Variants in SVOPL observed in about 807,000 individuals in gnomAD.
SVOPL encodes SVOP like.
A neutral mutation model predicts 61.0 loss-of-function variants in SVOPL; 60 were observed. The ratio of observed to expected loss-of-function variants is 0.98; its 90% CI spans 0.80 to 1.22. The LOEUF (loss-of-function observed/expected upper bound fraction) is 1.22. SVOPL is among the 50% of genes most tolerant of loss of function. The pLI is 0.00. For missense variants in SVOPL, 662 were observed against 643.9 expected, an observed-to-expected ratio of 1.03 and a Z score of -0.30; for synonymous variants, 279 against 250.0, an observed-to-expected ratio of 1.12 and a Z score of -1.09.
intron 1 of SVOPL, among the ~76,000 whole-genome samples, chr7:138,682,096 G>C (rs775855506): frequency 2.6e-5 from 4 of 152,168 alleles, no homozygotes; most frequent in Admixed American, 6.5e-5. Flanking sequence ...GTTGCTGAGG[G>C]AAAATTATTT....
At chr7:138,683,712 T>C (rs1265062162) in intron 1 of SVOPL, among the ~76,000 whole-genome samples, 1 of 152,002 alleles carries the variant, frequency 6.6e-6, no homozygotes, top group Non-Finnish European at 1.5e-5. Context: ...TGATCACTAG[T>C]TAAGTAGTAG....
At chr7:138,637,487 G>T (rs190451348) in intron 9 of SVOPL, among the ~76,000 whole-genome samples, 1,448 of 18,818 alleles carry the variant, frequency 0.077, 14 homozygotes, top group Middle Eastern at 0.12. Flanking sequence ...TATAGATATA[G>T]ATAGATATAT....
chr7:138,620,944 G>A, intron 14 of SVOPL, 102 bp downstream of exon 14: 1 of 1,091,724 alleles, frequency 9.2e-7, no homozygotes, highest in Non-Finnish European at 1.3e-6. Flanking sequence ...AACTCATGAA[G>A]TCAACAGAAA....
At chr7:138,628,407 A>C (rs1192027509) in intron 10 of SVOPL, 44 bp from the exon 11 acceptor site, 17 of 1,594,882 alleles carry the variant, frequency 1.1e-5, no homozygotes, top group Non-Finnish European at 1.5e-5. Flanking sequence ...CTGACACCAG[A>C]CCTGAAGGAT....
intron 7 of SVOPL, among the ~76,000 whole-genome samples, chr7:138,650,060 G>C (rs1427808358): frequency 6.6e-6 from 1 of 152,062 alleles, no homozygotes; most frequent in African/African-American, 2.4e-5. Context: ...TCAAACTCCT[G>C]ATCTCGTGAT....
At chr7:138,672,639 G>GT (rs1802451841) in intron 3 of SVOPL, among the ~76,000 whole-genome samples, 1 of 88,358 alleles carries the variant, frequency 1.1e-5, no homozygotes, top group Non-Finnish European at 2.1e-5. Flanking sequence ...CAGCAGGAAA[G>GT]TGTTTTTTTT....
chr7:138,646,727 C>T (rs866426813), intron 8 of SVOPL, among the ~76,000 whole-genome samples: 79 of 152,164 alleles, frequency 5.2e-4, no homozygotes, highest in Middle Eastern at 3.4e-3. Flanking sequence ...CCATGTTGCC[C>T]GGGCTGGTCT....
rs144436781 is a variant in SVOPL at position 138,644,773 on chromosome 7, C to T, written c.733G>A (p.Val245Ile). ...ATGACCGAGCGGTTCATCTTGGCAACGCGCTCCAGAGTGGCCAGGGCAGCC... is the reference window on the plus strand; with the variant it reads ...ATGACCGAGCGGTTCATCTTGGCAATGCGCTCCAGAGTGGCCAGGGCAGCC... Reference protein sequence around the residue: ...TRAALATLERVAKMNRSVMPE... With the variant: ...TRAALATLERIAKMNRSVMPE... Residue 245 changes from valine to isoleucine, a missense_variant, in exon 9 of 16, where the codon GTT becomes ATT. Transcript: ENST00000674285. 191 of 1,614,154 alleles carry T rather than the reference C, an allele frequency of 1.2e-4. 1 individual carries two copies. The African/African-American group carries it at 1.9e-3, about 16-fold the overall frequency.
At chr7:138,675,248 A>G (rs1406595912) in intron 3 of SVOPL, among the ~76,000 whole-genome samples, 1 of 129,378 alleles carries the variant, frequency 7.7e-6, no homozygotes, top group Non-Finnish European at 1.8e-5. Flanking sequence ...AAAAAAGAAA[A>G]AAGAAAAAAA....
chr7:138,619,561 TAAAAAAAAAAAAAAAA>T (rs11440977), intron 14 of SVOPL, among the ~76,000 whole-genome samples: 1 of 60,302 alleles, frequency 1.7e-5, no homozygotes, highest in African/African-American at 6.0e-5. Flanking sequence ...TCTCAGATGT[TAAAAAAAAAAAAAAAA>T]AAAAAAAAAA....
At position 138,596,188 on chromosome 7, in the gene SVOPL, T is replaced by TAA. The variant is rs34972084; in HGVS notation, c.1467+227_1467+228dup. On this transcript the variant is annotated intron_variant, in intron 15 of 15. Transcript: ENST00000674285. The stretch of plus-strand genomic sequence containing the variant: ...TGGGCAACAGAGTCAGACTCTGTCT[T>TAA]AAAAAAAAAAAAAAAAAAAGAAAGA... Among the ~76,000 whole-genome samples, 87 of 120,338 alleles carry TAA rather than the reference T, an allele frequency of 7.2e-4. 1 individual carries two copies. The highest frequency in any genetic ancestry group is 5.5e-3 in the South Asian group (20 of 3,662). The allele number at this position is 120,338 out of a possible 152,430, so 78.9% of individuals were successfully genotyped here.
At chr7:138,632,441 TAAAC>T (rs777473447) in intron 9 of SVOPL, among the ~76,000 whole-genome samples, 2 of 147,462 alleles carry the variant, frequency 1.4e-5, no homozygotes, top group African/African-American at 2.7e-5. Context: ...TCTCAAAAAA[TAAAC>T]AGACAGATGA....
rs565107518 is a variant in SVOPL, at chr7:138,644,594, A to T, written c.789+123T>A. Reference sequence around the variant, plus strand: ...ATGTAGCCTCACATCTTTCCTGGCCATCGCCCTGCCTCTCAGACAGGACTA... The same window carrying T: ...ATGTAGCCTCACATCTTTCCTGGCCTTCGCCCTGCCTCTCAGACAGGACTA... On this transcript the variant is annotated intron_variant, in intron 9 of 15. Transcript: ENST00000674285. 52 of 1,349,488 alleles carry T rather than the reference A, an allele frequency of 3.9e-5. No homozygotes were observed. In the South Asian group the frequency reaches 8.3e-4, roughly 22 times the overall value. 83.6% of individuals were successfully genotyped at this position (1,349,488 alleles called of 1,614,324 possible).
chr7:138,698,466 G>A (rs539915201), intron 1 of SVOPL, among the ~76,000 whole-genome samples: 1 of 152,222 alleles, frequency 6.6e-6, no homozygotes, highest in African/African-American at 2.4e-5. Flanking sequence ...TGGCATCTCA[G>A]GTCATGATGC....
At chr7:138,619,410 A>G (rs925803004) in intron 14 of SVOPL, among the ~76,000 whole-genome samples, 1 of 148,682 alleles carries the variant, frequency 6.7e-6, no homozygotes, top group Non-Finnish European at 1.5e-5. Flanking sequence ...CTGGAAAAAG[A>G]AAAAAAAAAT....
intron 9 of SVOPL, among the ~76,000 whole-genome samples, chr7:138,632,770 G>A (rs73465678): frequency 0.039 from 5,929 of 151,784 alleles, 380 homozygotes; most frequent in African/African-American, 0.14. Flanking sequence ...AGGAGAGAGA[G>A]CTTATTTCTG....
intron 9 of SVOPL, among the ~76,000 whole-genome samples, chr7:138,632,330 A>G (rs1344810727): frequency 6.6e-6 from 1 of 152,204 alleles, no homozygotes; most frequent in African/African-American, 2.4e-5. Flanking sequence ...GCTGCTCTGG[A>G]GGCTGAGGCA....
chr7:138,649,196 A>C (rs1353084396), intron 7 of SVOPL, 59 bp from the exon 8 acceptor site: 2 of 1,537,192 alleles, frequency 1.3e-6, no homozygotes, highest in Non-Finnish European at 1.7e-6. Context: ...ATGAAAAAAA[A>C]AAAGGAAAAA....
intron 1 of SVOPL, among the ~76,000 whole-genome samples, chr7:138,698,694 AGT>A (rs1056263431): frequency 2.0e-5 from 3 of 152,142 alleles, no homozygotes; most frequent in East Asian, 3.9e-4. Context: ...CTTTCTCTTA[AGT>A]GTGTGATGAC....
Sources: gnomAD v4.1 joint callset for allele counts (sites outside exome capture counted in the v4.1 genomes callset) on GRCh38, gnomAD v4.1.1 for gene constraint, MANE v1.5 for transcripts, NCBI Gene and HGNC (gene_info 2026-07-23, HGNC 2026-07-21) for gene names.